BCHE: variants seen among roughly 807,000 people sequenced by gnomAD.
BCHE encodes cholinesterase.
Under a neutral mutation model 51.3 loss-of-function variants are expected in BCHE, and 48 were observed. The observed-to-expected ratio is 0.94, with a 90% CI of 0.74 to 1.19. The LOEUF (loss-of-function observed/expected upper bound fraction) is 1.19, where lower values mean the gene tolerates loss of function less well. Ranked by LOEUF, BCHE falls within the 50% of genes most tolerant of loss-of-function variation. BCHE has a pLI of 0.00. For missense variants in BCHE, 847 were observed against 708.2 expected, an observed-to-expected ratio of 1.20 and a Z score of -2.23; for synonymous variants, 251 against 238.0, an observed-to-expected ratio of 1.05 and a Z score of -0.50.
In BCHE at chr3:165,826,896, T is replaced by A. The variant is rs1007330502; in HGVS notation, c.1517+2621A>T. ...GCCGCCGTGTGCATTACAGGGTGTTTAGCAGCATGCTGGGCCTTTACCTTG... is the reference window on the plus strand; with the variant it reads ...GCCGCCGTGTGCATTACAGGGTGTTAAGCAGCATGCTGGGCCTTTACCTTG... On this transcript the variant is annotated intron_variant, in intron 2 of 3. Coordinates refer to ENST00000264381, the MANE Select transcript of BCHE (RefSeq NM_000055.4). Among the ~76,000 whole-genome samples, 3 of 152,146 alleles carry A rather than the reference T, an allele frequency of 2.0e-5. No individual in the cohort carries two copies. In the South Asian group the frequency reaches 6.2e-4, roughly 31 times the overall value.
At position 165,830,598 on chromosome 3, in the gene BCHE, A is replaced by AACC. The variant is rs1560023569; in HGVS notation, c.433_435dup (p.Gly145dup). The AACC allele has an allele frequency of 2.5e-6, 4 of 1,613,982 alleles. No individual in the cohort carries two copies. Among genetic ancestry groups the AACC allele is most frequent in the Non-Finnish European group, 3.4e-6 (4 of 1,179,966 alleles). On this transcript the variant is annotated inframe_insertion, in exon 2 of 4. Coordinates refer to ENST00000264381, the MANE Select transcript of BCHE (RefSeq NM_000055.4). ...TGTAAAGATGATGTTCCAGTTTGAAAACCACCACCATAAATCCATATCAAT... is the reference window on the plus strand; with the variant it reads ...TGTAAAGATGATGTTCCAGTTTGAAAACCACCACCACCATAAATCCATATCAAT...
At chr3:165,784,469 C>T (rs1253667296) in intron 3 of BCHE, among the ~76,000 whole-genome samples, 1 of 151,854 alleles carries the variant, frequency 6.6e-6, no homozygotes, top group African/African-American at 2.4e-5. Flanking sequence ...ATTATATTTT[C>T]AAGACACACT....
At chr3:165,808,356 A>C (rs1252114755) in intron 2 of BCHE, among the ~76,000 whole-genome samples, 2 of 152,074 alleles carry the variant, frequency 1.3e-5, no homozygotes, top group Non-Finnish European at 2.9e-5. Flanking sequence ...ATATATGCTG[A>C]TGGAAAATAG....
chr3:165,820,371 A>C (rs1714469995), intron 2 of BCHE, among the ~76,000 whole-genome samples: 1 of 152,034 alleles, frequency 6.6e-6, no homozygotes, highest in Non-Finnish European at 1.5e-5. Flanking sequence ...TTTTAAACCT[A>C]CATTTATATT....
At chr3:165,807,550 T>TTTA (rs1560013772) in intron 2 of BCHE, among the ~76,000 whole-genome samples, 6 of 136,674 alleles carry the variant, frequency 4.4e-5, no homozygotes, top group African/African-American at 1.5e-4. Flanking sequence ...TTATTTATTT[T>TTTA]TATTTATTTA....
chr3:165,822,577 G>A (rs754181512), intron 2 of BCHE, among the ~76,000 whole-genome samples: 6 of 151,976 alleles, frequency 3.9e-5, no homozygotes, highest in South Asian at 2.1e-4. Flanking sequence ...TTGACACTGG[G>A]AACATTACAT....
At chr3:165,812,647 T>G (rs1714146718) in intron 2 of BCHE, among the ~76,000 whole-genome samples, 1 of 151,970 alleles carries the variant, frequency 6.6e-6, no homozygotes, top group Non-Finnish European at 1.5e-5. Flanking sequence ...ATATTTTACA[T>G]AAAAATTTCC....
chr3:165,795,774 G>A (rs1357636232), intron 2 of BCHE, among the ~76,000 whole-genome samples: 1 of 152,066 alleles, frequency 6.6e-6, no homozygotes, highest in Non-Finnish European at 1.5e-5. Context: ...AATTAACTAA[G>A]GATGATTTCT....
rs953756454 is a variant in BCHE, at chr3:165,797,010, A to C, written c.1518-10699T>G. Among the ~76,000 whole-genome samples, 30 of 152,118 alleles carry C rather than the reference A, an allele frequency of 2.0e-4. 1 individual carries two copies. Among genetic ancestry groups the C allele is most frequent in the Non-Finnish European group, 4.4e-5 (3 of 68,014 alleles). On this transcript the variant is annotated intron_variant, in intron 2 of 3. Coordinates refer to ENST00000264381, the MANE Select transcript of BCHE (RefSeq NM_000055.4). ...TGCATAATTAGCTGGCAAGTTAAAG[A>C]GGAGATACGAGGCAATGTTTAGCCT... is the stretch of plus-strand genomic sequence containing the variant.
At chr3:165,803,337 A>T (rs1713739424) in intron 2 of BCHE, among the ~76,000 whole-genome samples, 1 of 152,166 alleles carries the variant, frequency 6.6e-6, no homozygotes, top group Admixed American at 6.5e-5. Context: ...TGCTAAGGAA[A>T]ATTCTAAGTG....
intron 2 of BCHE, among the ~76,000 whole-genome samples, chr3:165,816,733 T>C (rs1038324362): frequency 2.0e-5 from 3 of 152,074 alleles, no homozygotes; most frequent in African/African-American, 7.2e-5. Context: ...GTGGATACCA[T>C]GTTCTCCTAG....
rs575164600 is a variant in BCHE at position 165,802,891 on chromosome 3, A to G, written c.1518-16580T>C. Among the ~76,000 whole-genome samples the G allele has an allele frequency of 2.6e-5, 4 of 151,782 alleles. No individual in the cohort carries two copies. In the South Asian group the frequency reaches 6.2e-4, roughly 24 times the overall value. Reference sequence around the variant, plus strand: ...TGAGTAGCTGGGACTACAGGCGCCCACCACCAAGCCCGGCTAATTTTTCGT... The same window carrying G: ...TGAGTAGCTGGGACTACAGGCGCCCGCCACCAAGCCCGGCTAATTTTTCGT... On this transcript the variant is annotated intron_variant, in intron 2 of 3. Transcript: ENST00000264381.
intron 1 of BCHE, among the ~76,000 whole-genome samples, chr3:165,832,670 A>T (rs1307422760): frequency 1.3e-5 from 2 of 152,172 alleles, no homozygotes; most frequent in Non-Finnish European, 2.9e-5. Context: ...AATAACAAAG[A>T]TCCATTAATG....
rs1715156523 is a variant in BCHE at position 165,835,464 on chromosome 3, T to C, written c.-9+1850A>G. ...TTAAAAAGTTACAATTAAATAAATATTTATTTCTACTTGGAAATAAACCCT... is the reference window on the plus strand; with the variant it reads ...TTAAAAAGTTACAATTAAATAAATACTTATTTCTACTTGGAAATAAACCCT... On this transcript the variant is annotated intron_variant, in intron 1 of 3. Coordinates refer to ENST00000264381, the MANE Select transcript of BCHE (RefSeq NM_000055.4). Among the ~76,000 whole-genome samples, 4 of 151,854 alleles carry C rather than the reference T, an allele frequency of 2.6e-5. No homozygotes were observed. The South Asian group carries it at 8.3e-4, about 31-fold the overall frequency.
In BCHE at chr3:165,834,674, T is replaced by C. The variant is rs114379563; in HGVS notation, c.-9+2640A>G. 2.5e-3 allele frequency among the ~76,000 whole-genome samples: 381 copies of C among 152,050 alleles called. 2 individuals carry two copies. Among genetic ancestry groups the C allele is most frequent in the African/African-American group, 9.0e-3 (373 of 41,560 alleles). Reference sequence around the variant, plus strand: ...AAATTTTGATATGTTTATCATGTAATTGAGCAATCGAAAGAGAAATAAATG... The same window carrying C: ...AAATTTTGATATGTTTATCATGTAACTGAGCAATCGAAAGAGAAATAAATG... On this transcript the variant is annotated intron_variant, in intron 1 of 3. Coordinates refer to ENST00000264381, the MANE Select transcript of BCHE (RefSeq NM_000055.4).
At chr3:165,790,179 TATC>T (rs1342439614) in intron 2 of BCHE, among the ~76,000 whole-genome samples, 1 of 152,156 alleles carries the variant, frequency 6.6e-6, no homozygotes, top group Non-Finnish European at 1.5e-5. Context: ...AGCCATGTGA[TATC>T]ATACTGACCT....
intron 2 of BCHE, among the ~76,000 whole-genome samples, chr3:165,788,650 G>A (rs1713052998): frequency 6.6e-6 from 1 of 152,052 alleles, no homozygotes; most frequent in Non-Finnish European, 1.5e-5. Context: ...TTCTAATTCT[G>A]CTCTACTTTA....
chr3:165,824,518 A>T (rs553274296), intron 2 of BCHE, among the ~76,000 whole-genome samples: 1 of 152,208 alleles, frequency 6.6e-6, no homozygotes, highest in African/African-American at 2.4e-5. Flanking sequence ...CTATTATTTA[A>T]TATTGTGCTA....
chr3:165,811,560 C>T (rs1714096151), intron 2 of BCHE, among the ~76,000 whole-genome samples: 1 of 151,716 alleles, frequency 6.6e-6, no homozygotes, highest in East Asian at 1.9e-4. Context: ...TCTGTGTCTA[C>T]CAAAAAACAC....
Sources: gnomAD v4.1 joint callset for allele counts (sites outside exome capture counted in the v4.1 genomes callset) on GRCh38, gnomAD v4.1.1 for gene constraint, MANE v1.5 for transcripts, NCBI Gene and HGNC (gene_info 2026-07-23, HGNC 2026-07-21) for gene names.